The following XRN2 variants were observed in gnomAD, a reference collection of about 807,000 sequenced individuals.
XRN2 encodes 5'-3' exoribonuclease 2.
Under a neutral mutation model 138.5 loss-of-function variants are expected in XRN2, and 44 were observed. The ratio of observed to expected loss-of-function variants is 0.32; its 90% confidence interval spans 0.25 to 0.41. XRN2 has a LOEUF of 0.41. Ranked by LOEUF, XRN2 falls within the 10% of genes least tolerant of loss-of-function variation. The probability of loss-of-function intolerance (pLI) is 1.00; values close to 1 mark genes in which losing one functional copy is unlikely to be tolerated. For missense variants in XRN2, 937 were observed against 1,169.3 expected, an observed-to-expected ratio of 0.80 and a Z score of 2.90; for synonymous variants, 354 against 369.4, an observed-to-expected ratio of 0.96 and a Z score of 0.48.
In XRN2 at chr20:21,389,256, CT is replaced by C; in HGVS notation, c.2788-13del. Reference sequence around the variant, plus strand: ...TATCGGTCCAGAAAATAAACTCTTTCTTTTGTTTATTTTCAGGGATATCCCA... The same window carrying C: ...TATCGGTCCAGAAAATAAACTCTTTCTTTGTTTATTTTCAGGGATATCCCA... On this transcript the variant is annotated splice_polypyrimidine_tract_variant and intron_variant, in intron 29 of 29. Coordinates refer to ENST00000377191, the MANE Select transcript of XRN2 (RefSeq NM_012255.5). 1 of 1,607,654 alleles carries C rather than the reference CT, an allele frequency of 6.2e-7. No homozygotes were observed.
intron 24 of XRN2, among the ~76,000 whole-genome samples, chr20:21,360,858 C>G (rs1029798539): frequency 1.1e-4 from 17 of 152,116 alleles, no homozygotes; most frequent in African/African-American, 4.1e-4. Context: ...ATTGGTTAAC[C>G]TCTTCTGATA....
chr20:21,348,282 T>G (rs2038463544), intron 18 of XRN2, 29 bp downstream of exon 18: 1 of 1,611,660 alleles, frequency 6.2e-7, no homozygotes, highest in Admixed American at 1.7e-5. Context: ...AGTCATAAAG[T>G]TTATAGAATT....
chr20:21,383,628 A>AG (rs1344879167), intron 28 of XRN2, among the ~76,000 whole-genome samples: 2 of 152,194 alleles, frequency 1.3e-5, no homozygotes, highest in Non-Finnish European at 2.9e-5. Flanking sequence ...GGGACTTCAA[A>AG]GGAAGTAAAG....
chr20:21,318,867 C>T (rs937117747), intron 1 of XRN2, among the ~76,000 whole-genome samples: 4 of 151,954 alleles, frequency 2.6e-5, no homozygotes, highest in African/African-American at 7.3e-5. Context: ...ATTTCGTGTA[C>T]ACCTGAGAAT....
chr20:21,327,325 C>T (rs768391283), intron 3 of XRN2, among the ~76,000 whole-genome samples: 1 of 152,114 alleles, frequency 6.6e-6, no homozygotes, highest in Non-Finnish European at 1.5e-5. Flanking sequence ...GACCAGCAAA[C>T]TCTATTAGGG....
chr20:21,349,496 G>C (rs1215644999), intron 20 of XRN2, 35 bp downstream of exon 20: 1 of 1,403,542 alleles, frequency 7.1e-7, no homozygotes, highest in Non-Finnish European at 1.0e-6. Flanking sequence ...GTAAAACTGT[G>C]AACAAACATA....
chr20:21,373,255 G>A (rs1338022276), intron 27 of XRN2, among the ~76,000 whole-genome samples: 3 of 152,132 alleles, frequency 2.0e-5, no homozygotes, highest in Non-Finnish European at 4.4e-5. Flanking sequence ...TGATCTGCCC[G>A]CCTCGTTCTC....
chr20:21,350,918 T>C (rs1460406200), intron 20 of XRN2, among the ~76,000 whole-genome samples: 2 of 152,128 alleles, frequency 1.3e-5, no homozygotes, highest in Admixed American at 1.3e-4. Flanking sequence ...TATTATTACA[T>C]GTTAAATGGA....
rs921929237 is a variant in XRN2, at chr20:21,349,449, T to A, written c.1924T>A (p.Tyr642Asn). 1 of 1,606,248 alleles carries A rather than the reference T, an allele frequency of 6.2e-7. No homozygotes were observed. The highest frequency in any genetic ancestry group is 1.7e-5 in the Admixed American group (1 of 59,874). Residue 642 changes from tyrosine to asparagine, a missense_variant, in exon 20 of 30, where the codon TAT becomes AAT. Physicochemically the swap from Tyr to Asn is moderately radical, Grantham distance 143 (BLOSUM62 -2). This residue lies in a region of XRN2 where 372 missense variants were observed against 414.4 expected (regional missense o/e 0.90). Transcript: ENST00000377191. The part of the protein sequence containing the change: ...DFAIDLNGKK[Y>N]AWQGVALLPF... ...TGCTATTGATTTGAATGGGAAGAAA[T>A]ATGCATGGCAAGGTAAAATTTAGAC...
chr20:21,383,946 A>G (rs1285573194), intron 28 of XRN2, among the ~76,000 whole-genome samples: 1 of 152,194 alleles, frequency 6.6e-6, no homozygotes, highest in Non-Finnish European at 1.5e-5. Context: ...CATTTAAGAA[A>G]GATACCATTT....
rs867693475 is a variant in XRN2 at position 21,317,176 on chromosome 20, G to A, written c.76-9103G>A. Among the ~76,000 whole-genome samples the A allele has an allele frequency of 2.0e-5, 3 of 152,166 alleles. 1 individual carries two copies. The highest frequency in any genetic ancestry group is 4.4e-5 in the Non-Finnish European group (3 of 68,028). Reference sequence around the variant, plus strand: ...TCTTTGTCTTATTCCTCATTTTAGAGGGAAAGCATTTAGGCTTTGACCACC... The same window carrying A: ...TCTTTGTCTTATTCCTCATTTTAGAAGGAAAGCATTTAGGCTTTGACCACC... On this transcript the variant is annotated intron_variant, in intron 1 of 29. Coordinates refer to ENST00000377191, the MANE Select transcript of XRN2 (RefSeq NM_012255.5).
Position 21,389,308 on chromosome 20 carries a change from A to AC in XRN2, c.2825dup (p.Pro943ThrfsTer39), listed in dbSNP as rs1156922752. On this transcript the variant is annotated frameshift_variant, in exon 30 of 30. Coordinates refer to ENST00000377191, the MANE Select transcript of XRN2 (RefSeq NM_012255.5). LOFTEE classifies it high-confidence loss of function. ...GAGAAGGAAGGAAATACCCTTTGCC[A>AC]CCACCCTCAGGAAGATACAATTGGA... The AC allele has an allele frequency of 6.2e-7, 1 of 1,613,208 alleles. No homozygotes were observed. Among genetic ancestry groups the AC allele is most frequent in the Non-Finnish European group, 8.5e-7 (1 of 1,179,656 alleles).
chr20:21,321,303 G>C (rs1306047187), intron 1 of XRN2, among the ~76,000 whole-genome samples: 1 of 2,032 alleles, frequency 4.9e-4, no homozygotes, highest in African/African-American at 1.6e-3. Context: ...GTGCCTGGCT[G>C]TGTGTGTGTG....
intron 16 of XRN2, among the ~76,000 whole-genome samples, chr20:21,345,348 T>G (rs972924144): frequency 6.6e-6 from 1 of 152,230 alleles, no homozygotes; most frequent in African/African-American, 2.4e-5. Context: ...TTAGCATTTT[T>G]TCATTAACCT....
At chr20:21,355,621 A>G (rs899407611) in intron 21 of XRN2, among the ~76,000 whole-genome samples, 1 of 152,002 alleles carries the variant, frequency 6.6e-6, no homozygotes, top group East Asian at 1.9e-4. Flanking sequence ...ATAACTATTG[A>G]TCTTTTTGAA....
intron 20 of XRN2, among the ~76,000 whole-genome samples, chr20:21,353,096 T>C (rs540479236): frequency 6.7e-6 from 1 of 149,506 alleles, no homozygotes; most frequent in African/African-American, 2.4e-5. Flanking sequence ...GGAATTGATA[T>C]TGTAGAAAAG....
rs1369830531 is a variant in XRN2 at position 21,365,470 on chromosome 20, G to A, written c.2305G>A (p.Val769Ile). 1.9e-6 allele frequency: 3 copies of A among 1,613,778 alleles called. No individual in the cohort carries two copies. Among genetic ancestry groups the A allele is most frequent in the Non-Finnish European group, 2.5e-6 (3 of 1,179,920 alleles). Residue 769 changes from valine to isoleucine, a missense_variant, in exon 25 of 30, where the codon GTA becomes ATA. Transcript: ENST00000377191. ...QFAEDYIFKA[V>I]MLPGARKPAA... ...TGCTGAAGATTACATTTTTAAAGCTGTAATGCTTCCAGGAGCAAGGTAACA... is the reference window on the plus strand; with the variant it reads ...TGCTGAAGATTACATTTTTAAAGCTATAATGCTTCCAGGAGCAAGGTAACA...
chr20:21,309,079 G>C (rs1268569685), intron 1 of XRN2, among the ~76,000 whole-genome samples: 1 of 152,124 alleles, frequency 6.6e-6, no homozygotes, highest in Non-Finnish European at 1.5e-5. Flanking sequence ...GCTAAAGTTT[G>C]CTAAAGTTTT....
At chr20:21,363,084 A>G (rs183710104) in intron 24 of XRN2, among the ~76,000 whole-genome samples, 12 of 152,284 alleles carry the variant, frequency 7.9e-5, no homozygotes, top group African/African-American at 2.9e-4. Context: ...CTTGGTCCTC[A>G]GGTGAAATAA....
Sources: gnomAD v4.1 joint callset for allele counts (sites outside exome capture counted in the v4.1 genomes callset) on GRCh38, gnomAD v4.1.1 for gene constraint, gnomAD v4.1.1 regional missense constraint, MANE v1.5 for transcripts, NCBI Gene and HGNC (gene_info 2026-07-23, HGNC 2026-07-21) for gene names.